Variants in AK3 observed in about 807,000 individuals in gnomAD.
The protein encoded by AK3 is GTP:AMP phosphotransferase AK3, mitochondrial.
Under a neutral mutation model 23.7 loss-of-function variants are expected in AK3, and 27 were observed. The ratio of observed to expected loss-of-function variants is 1.14; its 90% confidence interval spans 0.84 to 1.57. The LOEUF is 1.57. Among genes scored for constraint, AK3 ranks in the 40% most tolerant of loss-of-function variants. AK3 has a pLI of 0.00. For missense variants in AK3, 406 were observed against 285.6 expected (o/e 1.42, Z -3.04); for synonymous variants, 159 against 116.0 (o/e 1.37, Z -2.38).
chr9:4,723,475 A>G (rs1841952077), intron 1 of AK3, among the ~76,000 whole-genome samples: 1 of 152,172 alleles, frequency 6.6e-6, no homozygotes, highest in African/African-American at 2.4e-5. Context: ...TTAACAAAAC[A>G]CTCTGGAAAA....
At chr9:4,735,332 A>AAT (rs74184332) in intron 1 of AK3, among the ~76,000 whole-genome samples, 1 of 12,818 alleles carries the variant, frequency 7.8e-5, no homozygotes, top group Non-Finnish European at 1.5e-4. Flanking sequence ...TACATATATA[A>AAT]ATATATATAT....
intron 1 of AK3, among the ~76,000 whole-genome samples, chr9:4,738,745 T>C (rs1469374490): frequency 2.0e-5 from 3 of 147,476 alleles, no homozygotes; most frequent in Non-Finnish European, 4.5e-5. Context: ...CCTTCTTTTA[T>C]AATAAATATG....
At chr9:4,728,886 C>CATACATACACAT (rs71326126) in intron 1 of AK3, among the ~76,000 whole-genome samples, 1 of 140,144 alleles carries the variant, frequency 7.1e-6, no homozygotes, top group Non-Finnish European at 1.5e-5. Context: ...CACACACATA[C>CATACATACACAT]ATATATATAC....
rs1842262008 is a variant in AK3, at chr9:4,735,408, A to AATATATATACATATATAAAT, written c.151+5509_151+5528dup. Among the ~76,000 whole-genome samples the AATATATATACATATATAAAT allele has an allele frequency of 4.5e-4, 35 of 77,320 alleles. 8 individuals carry two copies. Among genetic ancestry groups the AATATATATACATATATAAAT allele is most frequent in the African/African-American group, 2.3e-3 (31 of 13,414 alleles). 50.7% of individuals were successfully genotyped at this position (77,320 alleles called of 152,430 possible). ...ATATATAAATATATATACATATATA[A>AATATATATACATATATAAAT]ATATATATACATATATAAATATATA... On this transcript the variant is annotated intron_variant, in intron 1 of 4. Transcript: ENST00000381809.
At chr9:4,724,200 T>C (rs1350830959) in intron 1 of AK3, among the ~76,000 whole-genome samples, 3 of 150,250 alleles carry the variant, frequency 2.0e-5, no homozygotes, top group African/African-American at 7.6e-5. Context: ...CTTCTCTGTC[T>C]ACAGGCTTTT....
chr9:4,741,289 G>C (rs1587666504), upstream of AK3: 1 of 465,426 alleles, frequency 2.1e-6, no homozygotes, highest in Non-Finnish European at 3.5e-6. Context: ...TCCGCCTCTC[G>C]GCTACCCCGG....
chr9:4,718,645 C>A, intron 3 of AK3, 108 bp from the exon 4 acceptor site: 1 of 799,410 alleles, frequency 1.3e-6, no homozygotes, highest in Non-Finnish European at 2.0e-6. Flanking sequence ...GTGCCAAGCA[C>A]AAAAATGTGC....
intron 2 of AK3, among the ~76,000 whole-genome samples, chr9:4,720,044 G>A (rs1405025146): frequency 6.6e-6 from 1 of 152,132 alleles, no homozygotes; most frequent in Non-Finnish European, 1.5e-5. Context: ...CAGCCTGGGT[G>A]ACAGAGCAAG....
chr9:4,737,981 G>T (rs964644080), intron 1 of AK3, among the ~76,000 whole-genome samples: 1 of 152,128 alleles, frequency 6.6e-6, no homozygotes, highest in African/African-American at 2.4e-5. Flanking sequence ...TCCTTCTGTT[G>T]TATTATTTGA....
chr9:4,741,251 C>A (rs1258681606), upstream of AK3: 1 of 735,002 alleles, frequency 1.4e-6, no homozygotes, highest in Admixed American at 4.4e-5. Context: ...CTGGGGCCGC[C>A]CAGACAGCGC....
chr9:4,721,155 C>G (rs1023465951), intron 2 of AK3, among the ~76,000 whole-genome samples: 1 of 152,156 alleles, frequency 6.6e-6, no homozygotes, highest in Non-Finnish European at 1.5e-5. Context: ...GCAATCCCAG[C>G]ACTTTTGGAG....
At chr9:4,741,347 A>T (rs2130923956), upstream of AK3, 1 of 243,420 alleles carries the variant, frequency 4.1e-6, no homozygotes, top group Non-Finnish European at 7.2e-6. Context: ...CAGCCGCGCA[A>T]GCCGCGCAAG....
intron 2 of AK3, among the ~76,000 whole-genome samples, chr9:4,719,619 G>C (rs1417298644): frequency 6.6e-6 from 1 of 152,134 alleles, no homozygotes; most frequent in Non-Finnish European, 1.5e-5. Flanking sequence ...TCTTAATATG[G>C]GTGGGCCTTA....
chr9:4,715,011 G>C (rs2130871113), intron 4 of AK3, among the ~76,000 whole-genome samples: 1 of 152,106 alleles, frequency 6.6e-6, no homozygotes, highest in African/African-American at 2.4e-5. Flanking sequence ...TTGAGGTCAG[G>C]AGTTCAAGAC....
chr9:4,731,647 C>A (rs892423795), intron 1 of AK3, among the ~76,000 whole-genome samples: 1 of 151,786 alleles, frequency 6.6e-6, no homozygotes, highest in African/African-American at 2.4e-5. Context: ...ATATATTTAC[C>A]CCCTCCCAAA....
intron 1 of AK3, among the ~76,000 whole-genome samples, chr9:4,737,548 T>A (rs554331858): frequency 6.6e-6 from 1 of 152,028 alleles, no homozygotes; most frequent in Non-Finnish European, 1.5e-5. Context: ...GGCAAAACCA[T>A]CTCTACTGAA....
rs1263783702 is a variant in AK3 at position 4,712,785 on chromosome 9, T to C, written c.*191A>G. The C allele has an allele frequency of 3.5e-6, 2 of 578,900 alleles. No individual in the cohort carries two copies. Among genetic ancestry groups the C allele is most frequent in the Non-Finnish European group, 5.6e-6 (2 of 358,612 alleles). 35.9% of individuals were successfully genotyped at this position (578,900 alleles called of 1,614,324 possible). On this transcript the variant is annotated 3_prime_UTR_variant, in exon 5 of 5. Coordinates refer to ENST00000381809, the MANE Select transcript of AK3 (RefSeq NM_016282.4). ...TAACTGCATACAACACACTAGATGA[T>C]TTCAAACGATGCATCTTAGTATCCG...
rs116206727 is a variant in AK3, at chr9:4,718,143, A to G, written c.563+276T>C. On this transcript the variant is annotated intron_variant, in intron 4 of 4. Coordinates refer to ENST00000381809, the MANE Select transcript of AK3 (RefSeq NM_016282.4). ...GAGGAAGCCCTGGCTGTTCCTACAA[A>G]TGTCTGCTACCATGCAGGAAGCCTA... 7.7e-4 allele frequency among the ~76,000 whole-genome samples: 117 copies of G among 152,336 alleles called. 1 individual carries two copies. Among genetic ancestry groups the G allele is most frequent in the African/African-American group, 2.6e-3 (109 of 41,566 alleles).
At chr9:4,720,146 T>G (rs544735116) in intron 2 of AK3, among the ~76,000 whole-genome samples, 1 of 152,060 alleles carries the variant, frequency 6.6e-6, no homozygotes, top group Non-Finnish European at 1.5e-5. Flanking sequence ...AAACTATTAA[T>G]GCAAAAGGAT....
Sources: allele counts gnomAD v4.1 joint callset (sites outside exome capture counted in the v4.1 genomes callset), GRCh38; gene constraint gnomAD v4.1.1; transcripts MANE v1.5; gene names NCBI Gene and HGNC (gene_info 2026-07-23, HGNC 2026-07-21).